The following LRSAM1 variants were observed in gnomAD, a reference collection of about 807,000 sequenced individuals.
LRSAM1 encodes the protein leucine rich repeat and sterile alpha motif containing 1.
A neutral mutation model predicts 118.1 loss-of-function variants in LRSAM1; 96 were observed. That is an observed-to-expected ratio of 0.81 (90% CI 0.69 to 0.96). The LOEUF (loss-of-function observed/expected upper bound fraction) is 0.96, where lower values mean the gene tolerates loss of function less well. Ranked by LOEUF, LRSAM1 falls within the 40% of genes least tolerant of loss-of-function variation. The pLI, the probability that LRSAM1 is intolerant of heterozygous loss-of-function variation, is 0.00. For synonymous variants in LRSAM1, 322 were observed against 364.2 expected (o/e 0.88, Z 1.32); for missense variants, 804 against 915.5 (o/e 0.88, Z 1.57).
chr9:127,461,121 TG>T, intron 7 of LRSAM1, 51 bp from the exon 8 acceptor site: 1 of 1,461,518 alleles, frequency 6.8e-7, no homozygotes, highest in Non-Finnish European at 9.5e-7. Flanking sequence ...CCCAAAGTGC[TG>T]GGATTACAGG....
At chr9:127,474,193 CA>C (rs1835275685) in intron 11 of LRSAM1, among the ~76,000 whole-genome samples, 1 of 152,246 alleles carries the variant, frequency 6.6e-6, no homozygotes, top group South Asian at 2.1e-4. Context: ...CTTCCCTCTT[CA>C]GGGCCTTTGA....
intron 9 of LRSAM1, 71 bp from the exon 10 acceptor site, chr9:127,467,669 G>A (rs1322116558): frequency 1.4e-6 from 2 of 1,401,726 alleles, no homozygotes; most frequent in Non-Finnish European, 2.0e-6. Context: ...CACACAAATT[G>A]ATAAGGAAAT....
At chr9:127,456,952 A>G (rs1834542389) in intron 5 of LRSAM1, among the ~76,000 whole-genome samples, 1 of 152,012 alleles carries the variant, frequency 6.6e-6, no homozygotes, top group African/African-American at 2.4e-5. Flanking sequence ...AGTTTTGCGC[A>G]TGAGCTTTTA....
In LRSAM1 at chr9:127,464,422, C is replaced by G. The variant is rs142815758; in HGVS notation, c.528+2049C>G. Among the ~76,000 whole-genome samples the G allele has an allele frequency of 3.5e-3, 488 of 141,064 alleles. 1 individual carries two copies. The highest frequency in any genetic ancestry group is 0.013 in the African/African-American group (468 of 37,262). The allele number at this position is 141,064 out of a possible 152,430, so 92.5% of individuals were successfully genotyped here. ...GTGTATCTATTGAGCACCTGGAGAC[C>G]GTGCTGTCCAGAGCGGCAGCCGCTG... On this transcript the variant is annotated intron_variant, in intron 9 of 25. Transcript: ENST00000300417.
In LRSAM1 at chr9:127,467,804, CG is replaced by C; in HGVS notation, c.595del (p.Ala199ProfsTer49). Reference protein sequence around the residue: ...PPREVCGAGTAAILQFLCKES... With the variant: ...PPREVCGAGTXAILQFLCKES... ...CGGGAGGTGTGTGGTGCCGGCACTG[CG>C]GCCATCTTGCAGTTCCTCTGCAAAG... On this transcript the variant is annotated frameshift_variant, in exon 10 of 26. Transcript: ENST00000300417. LOFTEE classifies it high-confidence loss of function. The C allele has an allele frequency of 6.2e-7, 1 of 1,605,518 alleles. No homozygotes were observed. Among genetic ancestry groups the C allele is most frequent in the Admixed American group, 1.7e-5 (1 of 59,004 alleles).
chr9:127,487,419 A>C, intron 17 of LRSAM1: 1 of 431,192 alleles, frequency 2.3e-6, no homozygotes, highest in East Asian at 4.9e-5. Flanking sequence ...TGGGGAGGGG[A>C]TTCTGGTGGC....
At chr9:127,479,693 G>A in intron 13 of LRSAM1, 146 bp from the exon 14 acceptor site, 2 of 1,327,318 alleles carry the variant, frequency 1.5e-6, no homozygotes, top group East Asian at 4.9e-5. Flanking sequence ...GATGGACACT[G>A]TAGCCTACTG....
rs1235352715 is a variant in LRSAM1 at position 127,457,332 on chromosome 9, C to T, written c.191C>T (p.Thr64Met). The change falls in exon 6 of 26, where the codon ACG becomes ATG. Residue 64 changes from threonine (T) to methionine (M), a missense_variant. Transcript: ENST00000300417. ...VLQKKVLIVHTNHLTSLLPKS... is the reference protein window; with the variant it reads ...VLQKKVLIVHMNHLTSLLPKS... ...TCCACACAGGTGCTGATCGTCCACA[C>T]GAATCACCTCACTTCCCTGCTTCCC... 15 of 1,614,176 alleles carry T rather than the reference C, an allele frequency of 9.3e-6. No individual in the cohort carries two copies. Among genetic ancestry groups the T allele is most frequent in the South Asian group, 4.4e-5 (4 of 91,086 alleles).
chr9:127,451,888 G>A (rs946549012), intron 1 of LRSAM1, 41 bp from the exon 2 acceptor site: 3 of 152,622 alleles, frequency 2.0e-5, no homozygotes, highest in African/African-American at 7.2e-5. Flanking sequence ...TCGTCATCCC[G>A]GTCTGCGTGA....
intron 2 of LRSAM1, 32 bp from the exon 3 acceptor site, chr9:127,454,464 C>T (rs1017867713): frequency 5.1e-6 from 8 of 1,563,008 alleles, no homozygotes; most frequent in Admixed American, 1.7e-5. Flanking sequence ...GTGACAAATT[C>T]CCCAGTCCCT....
chr9:127,483,504 G>A (rs904092477), intron 16 of LRSAM1, among the ~76,000 whole-genome samples: 1 of 151,852 alleles, frequency 6.6e-6, no homozygotes, highest in Non-Finnish European at 1.5e-5. Flanking sequence ...TTAAATAAAT[G>A]TTGGTGATCC....
intron 21 of LRSAM1, among the ~76,000 whole-genome samples, chr9:127,493,757 A>G (rs1484410839): frequency 2.6e-5 from 4 of 152,150 alleles, no homozygotes; most frequent in Admixed American, 1.3e-4. Flanking sequence ...TCAGCGTGGC[A>G]GAGGCCCCCT....
intron 8 of LRSAM1, 89 bp downstream of exon 8, chr9:127,461,346 A>T: frequency 8.3e-7 from 1 of 1,202,950 alleles, no homozygotes; most frequent in Non-Finnish European, 1.2e-6. Context: ...CCCGGGAGCC[A>T]TTGAGCAGGA....
chr9:127,503,004 C>A lies in LRSAM1; in HGVS notation c.*105C>A, dbSNP rs1004020558. 3 of 1,463,430 alleles carry A rather than the reference C, an allele frequency of 2.0e-6. No individual in the cohort carries two copies. Among genetic ancestry groups the A allele is most frequent in the Middle Eastern group, 2.4e-4 (1 of 4,234 alleles). The allele number at this position is 1,463,430 out of a possible 1,614,324, so 90.7% of individuals were successfully genotyped here. A position where few individuals can be genotyped will look rare whatever the true frequency, so the allele number is the denominator to read the frequency against. On this transcript the variant is annotated 3_prime_UTR_variant, in exon 26 of 26. Transcript: ENST00000300417. The stretch of plus-strand genomic sequence containing the variant: ...AGCCAGACTCGTATGAGGCTCCCCC[C>A]TGCCCTGGGCCCCTTCCCCACTGCC...
At chr9:127,454,925 T>A in intron 3 of LRSAM1, 73 bp from the exon 4 acceptor site, 1 of 1,420,358 alleles carries the variant, frequency 7.0e-7, no homozygotes, top group South Asian at 1.2e-5. Context: ...TACATTTATG[T>A]TCTTTGCCTG....
At chr9:127,462,590 A>C (rs1834789797) in intron 9 of LRSAM1, among the ~76,000 whole-genome samples, 1 of 152,182 alleles carries the variant, frequency 6.6e-6, no homozygotes, top group African/African-American at 2.4e-5. Flanking sequence ...TACATTAAGA[A>C]TGAAGAAGAA....
chr9:127,476,035 C>T lies in LRSAM1; in HGVS notation c.750+2104C>T, dbSNP rs1342052120. Reference sequence around the variant, plus strand: ...GATTACAGGTGTGAGCCACCACACCCGCCAGATGTCAAAAATTTTCATGGG... The same window carrying T: ...GATTACAGGTGTGAGCCACCACACCTGCCAGATGTCAAAAATTTTCATGGG... On this transcript the variant is annotated intron_variant, in intron 11 of 25. Coordinates refer to ENST00000300417, the MANE Select transcript of LRSAM1 (RefSeq NM_001005373.4). Among the ~76,000 whole-genome samples the T allele has an allele frequency of 2.0e-5, 3 of 152,182 alleles. No individual in the cohort carries two copies. The South Asian group carries it at 6.2e-4, about 32-fold the overall frequency.
chr9:127,460,872 T>TTTTTC (rs1554754272), intron 7 of LRSAM1, among the ~76,000 whole-genome samples: 2 of 141,568 alleles, frequency 1.4e-5, no homozygotes, highest in African/African-American at 5.7e-5. Flanking sequence ...TTTTTTTTTT[T>TTTTTC]TGAGACGGAG....
At chr9:127,502,701 A>G in intron 25 of LRSAM1, 73 bp from the exon 26 acceptor site, 3 of 1,442,104 alleles carry the variant, frequency 2.1e-6, no homozygotes, top group Non-Finnish European at 2.8e-6. Flanking sequence ...AAAAAAAAAA[A>G]AAAAAAAAAG....
Sources: allele counts gnomAD v4.1 joint callset (sites outside exome capture counted in the v4.1 genomes callset), GRCh38; gene constraint gnomAD v4.1.1; transcripts MANE v1.5; gene names NCBI Gene and HGNC (gene_info 2026-07-23, HGNC 2026-07-21).